The following AP3S1 variants were observed in gnomAD, a reference collection of about 807,000 sequenced individuals.
AP3S1 encodes AP-3 complex subunit sigma-1.
A neutral mutation model predicts 21.3 loss-of-function variants in AP3S1; 12 were observed. The ratio of observed to expected loss-of-function variants is 0.56; its 90% CI spans 0.36 to 0.91. AP3S1 has a LOEUF of 0.91. AP3S1 is among the 40% of genes least tolerant of loss of function. The pLI is 0.01. For synonymous variants in AP3S1, 48 were observed against 78.4 expected, an observed-to-expected ratio of 0.61 and a Z score of 2.05; for missense variants, 116 against 225.0, an observed-to-expected ratio of 0.52 and a Z score of 3.10.
chr5:115,908,444 T>C (rs990720411), intron 5 of AP3S1, among the ~76,000 whole-genome samples: 2 of 152,172 alleles, frequency 1.3e-5, no homozygotes, highest in African/African-American at 2.4e-5. Context: ...GCTCATGAGC[T>C]GGTTCTGCCT....
At chr5:115,868,395 C>T (rs1285632084) in intron 2 of AP3S1, among the ~76,000 whole-genome samples, 1 of 152,084 alleles carries the variant, frequency 6.6e-6, no homozygotes, top group Non-Finnish European at 1.5e-5. Flanking sequence ...AATATACTCT[C>T]AGAATCTTTA....
chr5:115,901,262 A>G (rs567907043), intron 4 of AP3S1, among the ~76,000 whole-genome samples: 2 of 152,324 alleles, frequency 1.3e-5, no homozygotes, highest in Non-Finnish European at 2.9e-5. Context: ...CAAGTTTTCT[A>G]GGATACCTAA....
intron 3 of AP3S1, among the ~76,000 whole-genome samples, chr5:115,880,780 G>A (rs1749206522): frequency 6.6e-6 from 1 of 152,126 alleles, no homozygotes; most frequent in African/African-American, 2.4e-5. Flanking sequence ...TTGTGGATCT[G>A]TCTAATATTG....
chr5:115,890,458 T>A (rs962977521), intron 3 of AP3S1, among the ~76,000 whole-genome samples: 11 of 152,212 alleles, frequency 7.2e-5, no homozygotes, highest in Admixed American at 5.9e-4. Context: ...TAAAATGTAT[T>A]CATAGTGTTA....
chr5:115,909,853 T>C (rs1286655963), intron 5 of AP3S1, among the ~76,000 whole-genome samples: 1 of 152,210 alleles, frequency 6.6e-6, no homozygotes, highest in Non-Finnish European at 1.5e-5. Context: ...ACCTTATATA[T>C]GCTATGTTTT....
chr5:115,853,737 G>A (rs1315376124), intron 1 of AP3S1, among the ~76,000 whole-genome samples: 1 of 152,040 alleles, frequency 6.6e-6, no homozygotes, highest in Non-Finnish European at 1.5e-5. Context: ...GAATTGCCTT[G>A]GTACTTTACT....
intron 3 of AP3S1, among the ~76,000 whole-genome samples, chr5:115,880,562 A>AGTCT (rs1749184745): frequency 6.6e-6 from 1 of 152,014 alleles, no homozygotes; most frequent in Non-Finnish European, 1.5e-5. Flanking sequence ...GTGGTCTGAG[A>AGTCT]GTCTGTTCAT....
intron 5 of AP3S1, among the ~76,000 whole-genome samples, chr5:115,910,562 C>T (rs1752020499): frequency 6.6e-6 from 1 of 151,820 alleles, no homozygotes; most frequent in Non-Finnish European, 1.5e-5. Flanking sequence ...TCTGTGTCAG[C>T]AAACTGATTG....
intron 3 of AP3S1, among the ~76,000 whole-genome samples, chr5:115,882,290 T>C (rs1179063466): frequency 5.3e-5 from 8 of 151,998 alleles, no homozygotes; most frequent in African/African-American, 1.9e-4. Flanking sequence ...AGTCTGGCTT[T>C]TGGAATTTTC....
chr5:115,884,503 G>A (rs1240281421), intron 3 of AP3S1, among the ~76,000 whole-genome samples: 3 of 152,180 alleles, frequency 2.0e-5, no homozygotes, highest in African/African-American at 7.2e-5. Context: ...GCGGGGAGGG[G>A]AGTGGAGGTT....
At chr5:115,842,493 C>A (rs1761676220) in intron 1 of AP3S1, 1 of 172,656 alleles carries the variant, frequency 5.8e-6, no homozygotes, top group African/African-American at 2.4e-5. Context: ...TCCTGCCGCC[C>A]GCGGCTGCAG....
chr5:115,890,173 G>A (rs963135434), intron 3 of AP3S1, among the ~76,000 whole-genome samples: 5 of 152,206 alleles, frequency 3.3e-5, no homozygotes, highest in East Asian at 3.9e-4. Context: ...ATGTGTATAC[G>A]TATATATATG....
chr5:115,863,941 A>T (rs528180009), intron 1 of AP3S1, among the ~76,000 whole-genome samples: 129 of 152,364 alleles, frequency 8.5e-4, no homozygotes, highest in Non-Finnish European at 1.6e-3. Flanking sequence ...TAAGAAAACC[A>T]TTGCAGAGAA....
chr5:115,856,181 C>A (rs1762785839), intron 1 of AP3S1, among the ~76,000 whole-genome samples: 1 of 152,032 alleles, frequency 6.6e-6, no homozygotes, highest in Non-Finnish European at 1.5e-5. Flanking sequence ...GAAGCAAGTT[C>A]TAGGCTCCTT....
chr5:115,855,525 AG>A (rs1762743306), intron 1 of AP3S1, among the ~76,000 whole-genome samples: 1 of 151,966 alleles, frequency 6.6e-6, no homozygotes, highest in Non-Finnish European at 1.5e-5. Context: ...TTTTTTGTAG[AG>A]ATGGGGTTTC....
intron 1 of AP3S1, among the ~76,000 whole-genome samples, chr5:115,847,520 T>A (rs1561468218): frequency 6.6e-6 from 1 of 151,616 alleles, no homozygotes; most frequent in Non-Finnish European, 1.5e-5. Flanking sequence ...CTTAGGTGGC[T>A]GAGGTGAGAG....
chr5:115,858,294 A>C (rs1005321509), intron 1 of AP3S1, among the ~76,000 whole-genome samples: 1 of 152,264 alleles, frequency 6.6e-6, no homozygotes, highest in Non-Finnish European at 1.5e-5. Flanking sequence ...CATTGACTGC[A>C]TATAAAATTT....
At chr5:115,854,498 G>T (rs547811830) in intron 1 of AP3S1, among the ~76,000 whole-genome samples, 25 of 152,206 alleles carry the variant, frequency 1.6e-4, no homozygotes, top group African/African-American at 5.3e-4. Flanking sequence ...TATCCTGATT[G>T]CTGGTTCTTT....
At chr5:115,843,914 T>C (rs1419884491) in intron 1 of AP3S1, among the ~76,000 whole-genome samples, 1 of 152,198 alleles carries the variant, frequency 6.6e-6, no homozygotes, top group Non-Finnish European at 1.5e-5. Context: ...AGTGGCAGTT[T>C]TGGCAGGAGT....
Sources: gnomAD v4.1 joint callset for allele counts (sites outside exome capture counted in the v4.1 genomes callset) on GRCh38, gnomAD v4.1.1 for gene constraint, MANE v1.5 for transcripts, NCBI Gene and HGNC (gene_info 2026-07-23, HGNC 2026-07-21) for gene names.